Variants in SHANK2 observed in about 807,000 individuals in gnomAD.
The protein encoded by SHANK2 is SH3 and multiple ankyrin repeat domains protein 2.
Under a neutral mutation model 133.7 loss-of-function variants are expected in SHANK2, and 43 were observed. The ratio of observed to expected loss-of-function variants is 0.32; its 90% CI spans 0.25 to 0.41. SHANK2 has a LOEUF of 0.41. Ranked by LOEUF, SHANK2 falls within the 10% of genes least tolerant of loss-of-function variation. SHANK2 has a pLI of 1.00. For missense variants in SHANK2, 1,994 were observed against 2,235.8 expected, an observed-to-expected ratio of 0.89 and a Z score of 2.18; for synonymous variants, 1,017 against 952.8, an observed-to-expected ratio of 1.07 and a Z score of -1.24.
intron 17 of SHANK2, among the ~76,000 whole-genome samples, chr11:70,623,179 C>A (rs4980544): frequency 0.073 from 10,601 of 145,822 alleles, 455 homozygotes; most frequent in South Asian, 0.081. Context: ...TCGTCTCAAT[C>A]AAAAAAAAAA....
intron 17 of SHANK2, among the ~76,000 whole-genome samples, chr11:70,594,456 G>A (rs1450588087): frequency 1.3e-5 from 2 of 152,136 alleles, no homozygotes; most frequent in Non-Finnish European, 2.9e-5. Context: ...TGCATTCCAC[G>A]AATACTGTAT....
chr11:70,478,049 A>G (rs578098223), intron 25 of SHANK2, among the ~76,000 whole-genome samples: 1 of 152,330 alleles, frequency 6.6e-6, no homozygotes, highest in East Asian at 1.9e-4. Flanking sequence ...GAAATGTGAG[A>G]ATTAAAAAAA....
At chr11:70,929,944 T>A (rs911885018) in intron 10 of SHANK2, among the ~76,000 whole-genome samples, 1 of 152,164 alleles carries the variant, frequency 6.6e-6, no homozygotes, top group Admixed American at 6.5e-5. Flanking sequence ...ACACATCTGG[T>A]GTGAGCAAGC....
chr11:70,766,198 C>T (rs1297607663), intron 14 of SHANK2, among the ~76,000 whole-genome samples: 1 of 152,256 alleles, frequency 6.6e-6, no homozygotes, highest in African/African-American at 2.4e-5. Flanking sequence ...AAGCAGCCAC[C>T]TTGAACTGCG....
At chr11:70,697,696 T>C (rs1591759732) in intron 15 of SHANK2, among the ~76,000 whole-genome samples, 1 of 152,234 alleles carries the variant, frequency 6.6e-6, no homozygotes, top group Non-Finnish European at 1.5e-5. Flanking sequence ...CACAGGCAGG[T>C]CTAAGAGTCG....
chr11:70,848,429 C>T (rs927665744), intron 11 of SHANK2, among the ~76,000 whole-genome samples: 1 of 152,158 alleles, frequency 6.6e-6, no homozygotes, highest in African/African-American at 2.4e-5. Context: ...ACCCTGGAGA[C>T]CCTTGAAGAT....
intron 3 of SHANK2, among the ~76,000 whole-genome samples, chr11:71,132,111 C>T (rs1251432849): frequency 3.3e-5 from 5 of 152,164 alleles, no homozygotes; most frequent in Non-Finnish European, 7.3e-5. Flanking sequence ...GCTGCCGGGA[C>T]GCAGATGCTG....
intron 10 of SHANK2, chr11:70,943,912 G>A (rs1191956694): frequency 8.3e-5 from 38 of 456,192 alleles, no homozygotes; most frequent in Admixed American, 4.7e-4. Context: ...CTGATCATCC[G>A]TCTTGATTTC....
At chr11:70,941,349 G>A (rs1382714574) in intron 10 of SHANK2, among the ~76,000 whole-genome samples, 6 of 152,216 alleles carry the variant, frequency 3.9e-5, no homozygotes, top group African/African-American at 1.4e-4. Context: ...AAGGATGACA[G>A]CAGGCCGTGT....
intron 10 of SHANK2, among the ~76,000 whole-genome samples, chr11:70,912,325 G>A (rs1950207348): frequency 6.6e-6 from 1 of 152,092 alleles, no homozygotes; most frequent in African/African-American, 2.4e-5. Flanking sequence ...TGTTGATATG[G>A]TTTGGCTGTG....
rs73534008 is a variant in SHANK2, at chr11:70,851,012, T to G, written c.1175-30330A>C. On this transcript the variant is annotated intron_variant, in intron 11 of 25. Coordinates refer to ENST00000601538, the MANE Select transcript of SHANK2 (RefSeq NM_012309.5). ...AATTTGGAGCATCCGTACCCCAAGG[T>G]GACCCATTAACAGTGGCTGTGGCTC... Among the ~76,000 whole-genome samples the G allele has an allele frequency of 2.6e-3, 403 of 152,304 alleles. 1 individual carries two copies. The highest frequency in any genetic ancestry group is 9.5e-3 in the African/African-American group (395 of 41,568).
At chr11:70,636,379 GTC>G (rs1472222998) in intron 17 of SHANK2, among the ~76,000 whole-genome samples, 16 of 105,736 alleles carry the variant, frequency 1.5e-4, no homozygotes, top group African/African-American at 3.4e-4. Flanking sequence ...ATGAATGTGA[GTC>G]TGTGTGTATG....
Position 71,252,247 on chromosome 11 carries a change from C to T in SHANK2, c.-113+178G>A, listed in dbSNP as rs1281818374. Reference sequence around the variant, plus strand: ...TCGACCCCCACCTGGACACGCGGCTCACTCCCCCCAGCGCCCACCTCTCCA... The same window carrying T: ...TCGACCCCCACCTGGACACGCGGCTTACTCCCCCCAGCGCCCACCTCTCCA... On this transcript the variant is annotated intron_variant, in intron 1 of 25. Transcript: ENST00000601538. The surrounding 1 kb of genome is among the most constrained non-coding windows in gnomAD (Gnocchi z 6.3). 1.3e-5 allele frequency among the ~76,000 whole-genome samples: 2 copies of T among 152,144 alleles called. No homozygotes were observed. Among genetic ancestry groups the T allele is most frequent in the Non-Finnish European group, 2.9e-5 (2 of 68,020 alleles).
rs544237561 is a variant in SHANK2 at position 70,481,469 on chromosome 11, T to C, written c.4979+3845A>G. On this transcript the variant is annotated intron_variant, in intron 25 of 25. Coordinates refer to ENST00000601538, the MANE Select transcript of SHANK2 (RefSeq NM_012309.5). The stretch of plus-strand genomic sequence containing the variant: ...TGAAAAGAAAGGAAGAATCCAAGGA[T>C]GAGAGGAACTTTAAAAGGGTCAAGT... Among the ~76,000 whole-genome samples, 101 of 152,348 alleles carry C rather than the reference T, an allele frequency of 6.6e-4. 2 individuals carry two copies. Among genetic ancestry groups the C allele is most frequent in the Admixed American group, 6.4e-3 (98 of 15,310 alleles).
At chr11:71,248,152 T>C (rs1954987279) in intron 1 of SHANK2, among the ~76,000 whole-genome samples, 1 of 152,156 alleles carries the variant, frequency 6.6e-6, no homozygotes. Context: ...ACAGAAACCC[T>C]AGAATGCAGG....
chr11:70,794,774 T>A (rs1407073947), intron 14 of SHANK2, among the ~76,000 whole-genome samples: 1 of 152,138 alleles, frequency 6.6e-6, no homozygotes, highest in African/African-American at 2.4e-5. Context: ...CAGGATGGTC[T>A]CAAACTCCTA....
At chr11:70,611,296 A>G (rs61123833) in intron 17 of SHANK2, among the ~76,000 whole-genome samples, 11,443 of 152,258 alleles carry the variant, frequency 0.075, 610 homozygotes, top group East Asian at 0.24. Flanking sequence ...ACGGACACCT[A>G]TTGGTGTTGG....
chr11:71,073,178 A>G (rs1951171667), intron 9 of SHANK2, among the ~76,000 whole-genome samples: 1 of 26,546 alleles, frequency 3.8e-5, no homozygotes, highest in Non-Finnish European at 9.4e-5. Flanking sequence ...TTTTTTTTTG[A>G]GATAGAGTCT....
At chr11:70,489,278 A>C in intron 24 of SHANK2, 50 bp downstream of exon 24, 1 of 1,575,764 alleles carries the variant, frequency 6.3e-7, no homozygotes, top group Non-Finnish European at 8.7e-7. Flanking sequence ...CTTATAAAGT[A>C]AACTGGGTTA....
Sources: allele counts gnomAD v4.1 joint callset (sites outside exome capture counted in the v4.1 genomes callset), GRCh38; gene constraint gnomAD v4.1.1; non-coding constraint Gnocchi (gnomAD v3.1); transcripts MANE v1.5; gene names NCBI Gene and HGNC (gene_info 2026-07-23, HGNC 2026-07-21).